The following SGCZ variants were observed in gnomAD, a reference collection of about 807,000 sequenced individuals.
SGCZ encodes zeta-sarcoglycan.
In SGCZ, 40 loss-of-function variants were observed where a neutral mutation model predicts 41.3. That is an observed-to-expected ratio of 0.97 (90% CI 0.75 to 1.26). The LOEUF is 1.26. SGCZ is among the 50% of genes most tolerant of loss of function. The pLI, the probability that SGCZ is intolerant of heterozygous loss-of-function variation, is 0.00. For missense variants in SGCZ, 552 were observed against 369.8 expected, an observed-to-expected ratio of 1.49 and a Z score of -4.04; for synonymous variants, 206 against 137.5, an observed-to-expected ratio of 1.50 and a Z score of -3.49.
intron 3 of SGCZ, among the ~76,000 whole-genome samples, chr8:14,315,515 A>G (rs1467431294): frequency 1.3e-5 from 2 of 152,054 alleles, no homozygotes; most frequent in East Asian, 3.9e-4. Flanking sequence ...AGCAAAGTTA[A>G]CCCACGCACA....
rs781135633 is a variant in SGCZ at position 14,554,852 on chromosome 8, T to G, written c.114A>C (p.Pro38=). 1.2e-6 allele frequency: 2 copies of G among 1,613,192 alleles called. No individual in the cohort carries two copies. Among genetic ancestry groups the G allele is most frequent in the East Asian group, 4.5e-5 (2 of 44,808 alleles). Residue 38 remains proline, a synonymous_variant, in exon 2 of 8, where the codon CCA becomes CCC. Transcript: ENST00000382080. Reference sequence around the variant, plus strand: ...TCTTTCGCCATCCATAAATTCCCACTGGGTAAAGTTGTGCATTCTCAGTCC... The same window carrying G: ...TCTTTCGCCATCCATAAATTCCCACGGGGTAAAGTTGTGCATTCTCAGTCC... ...LPRTENAQLY[P]VGIYGWRKRC... is the part of the protein sequence containing the mutation.
chr8:14,926,673 G>A (rs930596860), intron 1 of SGCZ, among the ~76,000 whole-genome samples: 3 of 151,414 alleles, frequency 2.0e-5, no homozygotes, highest in Admixed American at 1.3e-4. Flanking sequence ...AGACAGTCTC[G>A]CTCTGTTGCC....
chr8:14,803,085 C>T (rs900434800), intron 1 of SGCZ, among the ~76,000 whole-genome samples: 2 of 152,186 alleles, frequency 1.3e-5, no homozygotes, highest in Non-Finnish European at 2.9e-5. Flanking sequence ...TTTTACCACC[C>T]ATGGGGCCTC....
intron 1 of SGCZ, among the ~76,000 whole-genome samples, chr8:14,930,974 G>A (rs887892378): frequency 6.6e-6 from 1 of 151,748 alleles, no homozygotes. Flanking sequence ...GTAACAAACC[G>A]GTACGTTCTG....
intron 1 of SGCZ, among the ~76,000 whole-genome samples, chr8:14,844,001 T>TATATTTATATATCATATAAATA (rs1803015015): frequency 6.6e-6 from 1 of 150,998 alleles, no homozygotes; most frequent in Non-Finnish European, 1.5e-5. Flanking sequence ...CAGGAAAATA[T>TATATTTATATATCATATAAATA]ATATTTATAT....
chr8:15,065,163 C>A (rs1301799222), intron 1 of SGCZ, among the ~76,000 whole-genome samples: 1 of 152,104 alleles, frequency 6.6e-6, no homozygotes, highest in East Asian at 1.9e-4. Context: ...CTGCTTACTC[C>A]AAGTGAGACC....
intron 1 of SGCZ, among the ~76,000 whole-genome samples, chr8:14,650,189 G>C (rs1807352205): frequency 6.6e-6 from 1 of 151,984 alleles, no homozygotes; most frequent in Admixed American, 6.6e-5. Flanking sequence ...AACTACTGGA[G>C]TTAACACTGG....
intron 1 of SGCZ, among the ~76,000 whole-genome samples, chr8:15,055,272 T>C (rs565764696): frequency 1.3e-5 from 2 of 152,306 alleles, no homozygotes; most frequent in South Asian, 2.1e-4. Context: ...ACCATAGATA[T>C]TATGCTCAAA....
chr8:14,749,415 TGG>T (rs1799433773), intron 1 of SGCZ, among the ~76,000 whole-genome samples: 1 of 152,146 alleles, frequency 6.6e-6, no homozygotes, highest in Admixed American at 6.5e-5. Context: ...CTGATGTGTG[TGG>T]GGATGCGTGT....
At chr8:14,960,222 C>T (rs1800918954) in intron 1 of SGCZ, among the ~76,000 whole-genome samples, 1 of 152,052 alleles carries the variant, frequency 6.6e-6, no homozygotes, top group Non-Finnish European at 1.5e-5. Flanking sequence ...CTGTAAAAGG[C>T]ACTACAGTGT....
At chr8:14,851,387 AAAAG>A (rs1803319681) in intron 1 of SGCZ, among the ~76,000 whole-genome samples, 1 of 149,700 alleles carries the variant, frequency 6.7e-6, no homozygotes, top group African/African-American at 2.5e-5. Context: ...AAAAAAAAAA[AAAAG>A]AAAAAAAGAA....
chr8:14,739,777 C>G lies in SGCZ; in HGVS notation c.40-184851G>C, dbSNP rs77961437. ...AAAAGGAAAGGGGAAAGGACACTTT[C>G]TAATGTGAACACTATGCATATTCCA... On this transcript the variant is annotated intron_variant, in intron 1 of 7. Coordinates refer to ENST00000382080, the MANE Select transcript of SGCZ (RefSeq NM_139167.4). Among the ~76,000 whole-genome samples, 1,439 of 152,110 alleles carry G rather than the reference C, an allele frequency of 9.5e-3. 29 individuals carry two copies. Among genetic ancestry groups the G allele is most frequent in the African/African-American group, 0.033 (1,372 of 41,520 alleles).
chr8:14,567,733 C>T (rs750427102), intron 1 of SGCZ, among the ~76,000 whole-genome samples: 4 of 152,208 alleles, frequency 2.6e-5, no homozygotes, highest in Non-Finnish European at 5.9e-5. Flanking sequence ...TAACACTCAC[C>T]GTGAAGGTCT....
chr8:14,532,511 G>C (rs1369580926), intron 2 of SGCZ, among the ~76,000 whole-genome samples: 1 of 151,942 alleles, frequency 6.6e-6, no homozygotes, highest in Non-Finnish European at 1.5e-5. Flanking sequence ...AGAAGAATAA[G>C]CGAATAAGCA....
intron 1 of SGCZ, among the ~76,000 whole-genome samples, chr8:14,828,329 A>C (rs1446935706): frequency 1.3e-5 from 2 of 152,216 alleles, no homozygotes; most frequent in Non-Finnish European, 2.9e-5. Context: ...TTTGTATCCT[A>C]ATTGAAGAGA....
chr8:14,692,625 T>C (rs1585186750), intron 1 of SGCZ, among the ~76,000 whole-genome samples: 4 of 152,186 alleles, frequency 2.6e-5, no homozygotes, highest in African/African-American at 7.2e-5. Flanking sequence ...TGGAGAAATA[T>C]GCTTTGCTAT....
intron 2 of SGCZ, among the ~76,000 whole-genome samples, chr8:14,365,934 G>GT (rs1803689802): frequency 6.6e-6 from 1 of 151,996 alleles, no homozygotes; most frequent in Admixed American, 6.6e-5. Context: ...CTGAAAATAT[G>GT]TTATCAAATG....
chr8:14,302,201 AT>A (rs1208265689), intron 3 of SGCZ, among the ~76,000 whole-genome samples: 1 of 152,134 alleles, frequency 6.6e-6, no homozygotes, highest in Admixed American at 6.6e-5. Flanking sequence ...ATTTAATACA[AT>A]TTTTCCCAAA....
chr8:14,997,846 G>C (rs895824751), intron 1 of SGCZ, among the ~76,000 whole-genome samples: 3 of 152,112 alleles, frequency 2.0e-5, no homozygotes, highest in Admixed American at 6.5e-5. Context: ...TGTAATCCCA[G>C]ATACTCAGGA....
Sources: allele counts gnomAD v4.1 joint callset (sites outside exome capture counted in the v4.1 genomes callset), GRCh38; gene constraint gnomAD v4.1.1; transcripts MANE v1.5; gene names NCBI Gene and HGNC (gene_info 2026-07-23, HGNC 2026-07-21).